NPAS2: variants seen among roughly 807,000 people sequenced by gnomAD.
NPAS2 encodes the protein neuronal PAS domain protein 2.
A neutral mutation model predicts 107.5 loss-of-function variants in NPAS2; 23 were observed. The observed-to-expected ratio is 0.21, with a 90% CI of 0.15 to 0.30. NPAS2 has a LOEUF of 0.30. Among genes scored for constraint, NPAS2 ranks in the 10% least tolerant of loss-of-function variants. The probability of loss-of-function intolerance (pLI) is 1.00; values close to 1 mark genes in which losing one functional copy is unlikely to be tolerated. For missense variants in NPAS2, 756 were observed against 1,043.3 expected (o/e 0.72, Z 3.79); for synonymous variants, 403 against 417.5 (o/e 0.97, Z 0.42).
intron 3 of NPAS2, among the ~76,000 whole-genome samples, chr2:100,929,571 T>C (rs765427864): frequency 5.3e-5 from 8 of 152,198 alleles, no homozygotes; most frequent in Non-Finnish European, 8.8e-5. Context: ...GATACCAGCT[T>C]GCAAGAGAAG....
intron 15 of NPAS2, among the ~76,000 whole-genome samples, chr2:100,980,757 C>T (rs545678149): frequency 6.6e-6 from 1 of 152,176 alleles, no homozygotes; most frequent in Non-Finnish European, 1.5e-5. Context: ...AGGCATGAGT[C>T]ACCGCCCCAG....
At chr2:100,840,162 G>A (rs535148414) in intron 1 of NPAS2, among the ~76,000 whole-genome samples, 2 of 152,156 alleles carry the variant, frequency 1.3e-5, no homozygotes, top group South Asian at 2.1e-4. Flanking sequence ...TCACCCTTTC[G>A]GACAGCTCTG....
intron 20 of NPAS2, chr2:100,994,524 C>G (rs868623080): frequency 6.6e-6 from 1 of 152,272 alleles, no homozygotes; most frequent in Non-Finnish European, 1.5e-5. Flanking sequence ...GCTATGAATA[C>G]AGAGAGCGCT....
At chr2:100,887,798 G>A (rs548102936) in intron 1 of NPAS2, among the ~76,000 whole-genome samples, 20 of 152,060 alleles carry the variant, frequency 1.3e-4, no homozygotes, top group Non-Finnish European at 1.5e-4. Context: ...GGGATCAGCC[G>A]AGGGCCTGGG....
Position 100,993,386 on chromosome 2 carries a change from A to G in NPAS2, c.2151A>G (p.Ala717=), listed in dbSNP as rs144897240. The G allele has an allele frequency of 1.9e-6, 3 of 1,608,548 alleles. No homozygotes were observed. The highest frequency in any genetic ancestry group is 2.7e-5 in the African/African-American group (2 of 74,782). The change falls in exon 20 of 21, where the codon GCA becomes GCG. Residue 717 remains alanine (A), a synonymous_variant. Coordinates refer to ENST00000335681, the MANE Select transcript of NPAS2 (RefSeq NM_002518.4). ...AGACCGTGTTTCAAAATCCAGACGC[A>G]CACCCCGCCAACAGCAGCAGCGCCC... ...QSQTVFQNPD[A]HPANSSSAPM...
intron 1 of NPAS2, among the ~76,000 whole-genome samples, chr2:100,850,588 G>C (rs73967683): frequency 0.062 from 9,510 of 152,220 alleles, 1,026 homozygotes; most frequent in African/African-American, 0.21. Flanking sequence ...AGCAACCCGT[G>C]TGTCTGTCAC....
chr2:100,893,788 A>G (rs960736000), intron 1 of NPAS2, among the ~76,000 whole-genome samples: 2 of 152,236 alleles, frequency 1.3e-5, no homozygotes, highest in Admixed American at 6.5e-5. Flanking sequence ...CCACTCATTT[A>G]CATGTTGTCT....
At position 100,929,094 on chromosome 2, in the gene NPAS2, G is replaced by A. The variant is rs184875454; in HGVS notation, c.181+3800G>A. ...AATTTTTTGTATTTTTAGTGAAGAC[G>A]GGGTTTTGCCACTTTGGCTAGCCTG... On this transcript the variant is annotated intron_variant, in intron 3 of 20. Coordinates refer to ENST00000335681, the MANE Select transcript of NPAS2 (RefSeq NM_002518.4). Among the ~76,000 whole-genome samples the A allele has an allele frequency of 6.6e-3, 1,001 of 152,264 alleles. 10 individuals carry two copies. The highest frequency in any genetic ancestry group is 0.022 in the African/African-American group (915 of 41,534).
chr2:100,826,809 G>C (rs1448746970), intron 1 of NPAS2, among the ~76,000 whole-genome samples: 1 of 152,180 alleles, frequency 6.6e-6, no homozygotes, highest in Non-Finnish European at 1.5e-5. Flanking sequence ...CCCATCTACA[G>C]TGTGTAAGGC....
intron 3 of NPAS2, among the ~76,000 whole-genome samples, chr2:100,930,294 A>G (rs922856127): frequency 2.0e-5 from 3 of 152,232 alleles, no homozygotes; most frequent in South Asian, 4.1e-4. Flanking sequence ...AAATTTCCCT[A>G]TTGAACAGGG....
chr2:100,906,395 T>A (rs1682148143), intron 2 of NPAS2, among the ~76,000 whole-genome samples: 1 of 152,240 alleles, frequency 6.6e-6, no homozygotes, highest in African/African-American at 2.4e-5. Flanking sequence ...CTGTGCTAGC[T>A]GATGAATTCC....
Position 100,937,768 on chromosome 2 carries a change from A to G in NPAS2, c.289A>G (p.Ile97Val). 1 of 1,614,122 alleles carries G rather than the reference A, an allele frequency of 6.2e-7. No homozygotes were observed. Among genetic ancestry groups the G allele is most frequent in the Non-Finnish European group, 8.5e-7 (1 of 1,179,944 alleles). The change falls in exon 5 of 21, where the codon ATT (isoleucine) becomes GTT (valine). Residue 97 changes from isoleucine to valine, a missense_variant. Physicochemically the swap from Ile to Val is conservative, Grantham distance 29. This residue lies in a region of NPAS2 where 146 missense variants were observed against 249.6 expected (regional missense o/e 0.58). Coordinates refer to ENST00000335681, the MANE Select transcript of NPAS2 (RefSeq NM_002518.4). ...QLMLEALDGF[I>V]IAVTTDGSII... ...TTTTCCACAGGCATTAGATGGCTTC[A>G]TTATCGCAGTGACAACAGACGGCAG...
intron 2 of NPAS2, among the ~76,000 whole-genome samples, chr2:100,919,896 T>C (rs943080864): frequency 6.6e-6 from 1 of 152,158 alleles, no homozygotes; most frequent in African/African-American, 2.4e-5. Context: ...TTGGAACTTC[T>C]CACCGGGCAG....
chr2:100,873,983 T>A (rs1007061178), intron 1 of NPAS2, among the ~76,000 whole-genome samples: 1 of 147,972 alleles, frequency 6.8e-6, no homozygotes, highest in Admixed American at 6.8e-5. Context: ...TTTTTTTTGT[T>A]TTTTGTTTTT....
chr2:100,974,943 C>G lies in NPAS2; in HGVS notation c.1281C>G (p.Thr427=). 6.2e-7 allele frequency: 1 copy of G among 1,613,868 alleles called. No individual in the cohort carries two copies. Among genetic ancestry groups the G allele is most frequent in the Non-Finnish European group, 8.5e-7 (1 of 1,179,826 alleles). ...KSSHTAMSEP[T]STPTKLMAEA... Reference sequence around the variant, plus strand: ...CGCACACAGCCATGTCAGAACCCACCTGTGAGTGCGAGTCCATGGATGGGG... The same window carrying G: ...CGCACACAGCCATGTCAGAACCCACGTGTGAGTGCGAGTCCATGGATGGGG... Residue 427 remains threonine, a splice_region_variant and synonymous_variant, in exon 13 of 21, where the codon ACC becomes ACG. Transcript: ENST00000335681.
intron 1 of NPAS2, among the ~76,000 whole-genome samples, chr2:100,850,011 T>TAAAAAAAAAAAAAAAA (rs58359292): frequency 1.8e-5 from 1 of 56,210 alleles, no homozygotes; most frequent in African/African-American, 7.8e-5. Flanking sequence ...ACTCTTTTTG[T>TAAAAAAAAAAAAAAAA]AAAAAAAAAA....
intron 7 of NPAS2, among the ~76,000 whole-genome samples, chr2:100,950,147 T>C (rs1302776845): frequency 6.6e-6 from 1 of 152,218 alleles, no homozygotes; most frequent in Non-Finnish European, 1.5e-5. Flanking sequence ...AGGCCAGGAA[T>C]TCAGAAACCA....
intron 1 of NPAS2, chr2:100,901,643 C>T: frequency 1.3e-6 from 1 of 762,674 alleles, no homozygotes; most frequent in Non-Finnish European, 1.6e-6. Flanking sequence ...TGGCTCCCTT[C>T]TTGTCCCTTC....
chr2:100,964,989 T>C, intron 9 of NPAS2, 46 bp downstream of exon 9: 1 of 1,286,186 alleles, frequency 7.8e-7, no homozygotes, highest in Non-Finnish European at 1.1e-6. Flanking sequence ...TTCTCAAGTC[T>C]TGTTTGCGTG....
Sources: gnomAD v4.1 joint callset for allele counts (sites outside exome capture counted in the v4.1 genomes callset) on GRCh38, gnomAD v4.1.1 for gene constraint, gnomAD v4.1.1 regional missense constraint, MANE v1.5 for transcripts, NCBI Gene and HGNC (gene_info 2026-07-23, HGNC 2026-07-21) for gene names.